Variants in TMEM232 observed in about 807,000 individuals in gnomAD.
TMEM232 encodes the protein transmembrane protein 232.
In TMEM232, 80 loss-of-function variants were observed where a neutral mutation model predicts 78.8. The ratio of observed to expected loss-of-function variants is 1.01; its 90% CI spans 0.85 to 1.22. The LOEUF (loss-of-function observed/expected upper bound fraction) is 1.22. TMEM232 is among the 50% of genes most tolerant of loss of function. TMEM232 has a pLI of 0.00. For missense variants in TMEM232, 881 were observed against 742.2 expected, an observed-to-expected ratio of 1.19 and a Z score of -2.17; for synonymous variants, 297 against 254.3, an observed-to-expected ratio of 1.17 and a Z score of -1.60.
chr5:110,669,036 A>G lies in TMEM232; in HGVS notation c.-12-1672T>C, dbSNP rs375078225. Among the ~76,000 whole-genome samples, 11 of 152,326 alleles carry G rather than the reference A, an allele frequency of 7.2e-5. 1 individual carries two copies. The highest frequency in any genetic ancestry group is 3.9e-4 in the East Asian group (2 of 5,190). ...CCACAAGAGAAAGCAGGAAAGATCT[A>G]CAATTGAAACCCTAACATCACAATT... On this transcript the variant is annotated intron_variant, in intron 1 of 13. Coordinates refer to ENST00000455884, the MANE Select transcript of TMEM232 (RefSeq NM_001039763.4).
chr5:110,585,540 C>T (rs1778710492), intron 10 of TMEM232, among the ~76,000 whole-genome samples: 1 of 152,092 alleles, frequency 6.6e-6, no homozygotes, highest in South Asian at 2.1e-4. Flanking sequence ...CAAAATATGC[C>T]TTCTATTCAA....
chr5:110,528,996 CA>C (rs1404959474), intron 11 of TMEM232, among the ~76,000 whole-genome samples, 161 bp from the exon 12 acceptor site: 35 of 151,802 alleles, frequency 2.3e-4, no homozygotes, highest in African/African-American at 8.2e-4. Context: ...TGCAGTTTTC[CA>C]AAAGACTTCA....
chr5:110,477,658 A>C (rs1763395191), intron 12 of TMEM232, among the ~76,000 whole-genome samples: 1 of 151,950 alleles, frequency 6.6e-6, no homozygotes, highest in Admixed American at 6.6e-5. Context: ...CTCCAAGTTC[A>C]GTTTCCTAAA....
chr5:110,472,046 C>T (rs1762748558), intron 12 of TMEM232, among the ~76,000 whole-genome samples: 1 of 151,780 alleles, frequency 6.6e-6, no homozygotes, highest in East Asian at 1.9e-4. Context: ...GAAGTTTTAG[C>T]CAGAACAGTT....
chr5:110,589,785 T>A (rs1277396398), intron 10 of TMEM232, among the ~76,000 whole-genome samples: 2 of 152,100 alleles, frequency 1.3e-5, no homozygotes, highest in African/African-American at 4.8e-5. Context: ...TAAAGTTAAT[T>A]ATTAATATCC....
intron 1 of TMEM232, among the ~76,000 whole-genome samples, chr5:110,722,729 A>C (rs1282473361): frequency 6.6e-6 from 1 of 152,168 alleles, no homozygotes; most frequent in Non-Finnish European, 1.5e-5. Flanking sequence ...GAGCTACAAA[A>C]GGGTGTGAAT....
At chr5:110,425,121 G>T (rs1284982867) in intron 12 of TMEM232, among the ~76,000 whole-genome samples, 3 of 152,066 alleles carry the variant, frequency 2.0e-5, no homozygotes, top group African/African-American at 7.2e-5. Context: ...TTGAGGGTAG[G>T]ACATGACATA....
intron 12 of TMEM232, among the ~76,000 whole-genome samples, chr5:110,503,577 C>T (rs1024773125): frequency 3.3e-5 from 5 of 152,148 alleles, no homozygotes; most frequent in Admixed American, 6.6e-5. Context: ...ATGAACCTCA[C>T]TAACTGGATT....
intron 12 of TMEM232, among the ~76,000 whole-genome samples, chr5:110,481,463 A>G (rs2149396353): frequency 6.6e-6 from 1 of 152,182 alleles, no homozygotes; most frequent in South Asian, 2.1e-4. Flanking sequence ...ACAATAGAAA[A>G]AAATGCTCTC....
intron 12 of TMEM232, among the ~76,000 whole-genome samples, chr5:110,494,976 G>A (rs1203864715): frequency 6.6e-6 from 1 of 151,540 alleles, no homozygotes; most frequent in African/African-American, 2.4e-5. Context: ...AAACAAATTT[G>A]GGATAATGGA....
chr5:110,535,625 CCTTT>C (rs1212099803), intron 11 of TMEM232, among the ~76,000 whole-genome samples: 1 of 152,084 alleles, frequency 6.6e-6, no homozygotes, highest in Non-Finnish European at 1.5e-5. Context: ...AAGAGCTCCT[CCTTT>C]TTTTACTCAA....
intron 12 of TMEM232, among the ~76,000 whole-genome samples, chr5:110,453,794 T>C (rs888404936): frequency 2.0e-5 from 3 of 151,472 alleles, no homozygotes; most frequent in African/African-American, 7.3e-5. Context: ...ATTTCACTTA[T>C]TAAAAACTAA....
At chr5:110,447,793 GAA>G (rs1262412254) in intron 12 of TMEM232, among the ~76,000 whole-genome samples, 1 of 151,896 alleles carries the variant, frequency 6.6e-6, no homozygotes, top group East Asian at 1.9e-4. Flanking sequence ...AAGACAAACA[GAA>G]AACACATTAT....
intron 12 of TMEM232, among the ~76,000 whole-genome samples, chr5:110,488,011 A>G (rs111429488): frequency 6.6e-6 from 1 of 152,124 alleles, no homozygotes; most frequent in Admixed American, 6.6e-5. Flanking sequence ...TAATTTTTTA[A>G]TTACCATTTC....
intron 12 of TMEM232, among the ~76,000 whole-genome samples, chr5:110,522,717 T>C (rs1769731691): frequency 6.6e-6 from 1 of 152,188 alleles, no homozygotes; most frequent in Non-Finnish European, 1.5e-5. Context: ...ATAACATTAA[T>C]TGATTTTTGT....
intron 1 of TMEM232, among the ~76,000 whole-genome samples, chr5:110,689,674 C>G (rs1214853528): frequency 6.6e-6 from 1 of 152,088 alleles, no homozygotes; most frequent in South Asian, 2.1e-4. Context: ...GCCCATATAG[C>G]CAAGACAATC....
At chr5:110,723,673 C>A (rs772988168) in intron 1 of TMEM232, among the ~76,000 whole-genome samples, 3 of 152,176 alleles carry the variant, frequency 2.0e-5, no homozygotes, top group African/African-American at 7.2e-5. Flanking sequence ...GCTTCCTATC[C>A]AATATTCACT....
chr5:110,591,025 C>T (rs73224367), intron 10 of TMEM232, among the ~76,000 whole-genome samples: 4,388 of 152,166 alleles, frequency 0.029, 217 homozygotes, highest in African/African-American at 0.1. Flanking sequence ...GGATTACAAT[C>T]GGAGGAGATT....
At chr5:110,495,441 T>A (rs1469726911) in intron 12 of TMEM232, among the ~76,000 whole-genome samples, 4 of 151,978 alleles carry the variant, frequency 2.6e-5, no homozygotes, top group Non-Finnish European at 5.9e-5. Context: ...ACAGTTGATC[T>A]ATTTTAAAAT....
Sources: gnomAD v4.1 joint callset for allele counts (sites outside exome capture counted in the v4.1 genomes callset) on GRCh38, gnomAD v4.1.1 for gene constraint, MANE v1.5 for transcripts, NCBI Gene and HGNC (gene_info 2026-07-23, HGNC 2026-07-21) for gene names.